FNDC3A: variants seen among roughly 807,000 people sequenced by gnomAD.
FNDC3A encodes the protein fibronectin type-III domain-containing protein 3A.
Under a neutral mutation model 148.9 loss-of-function variants are expected in FNDC3A, and 32 were observed. The observed-to-expected ratio is 0.21, with a 90% CI of 0.16 to 0.29. The LOEUF is 0.29. Among genes scored for constraint, FNDC3A ranks in the 10% least tolerant of loss-of-function variants. FNDC3A has a pLI of 1.00. For synonymous variants in FNDC3A, 472 were observed against 473.6 expected, an observed-to-expected ratio of 1.00 and a Z score of 0.04; for missense variants, 1,191 against 1,452.8, an observed-to-expected ratio of 0.82 and a Z score of 2.93.
intron 2 of FNDC3A, among the ~76,000 whole-genome samples, chr13:49,031,413 A>G (rs1011000332): frequency 2.6e-5 from 4 of 152,134 alleles, no homozygotes; most frequent in Non-Finnish European, 5.9e-5. Context: ...CTGCAAAGCT[A>G]CAGTAATAAG....
chr13:49,143,750 C>A (rs1301295308), intron 7 of FNDC3A, among the ~76,000 whole-genome samples: 1 of 152,162 alleles, frequency 6.6e-6, no homozygotes, highest in East Asian at 1.9e-4. Context: ...GGTGAGACTT[C>A]AGTATCACCA....
At chr13:49,074,125 G>A (rs144925151) in intron 2 of FNDC3A, among the ~76,000 whole-genome samples, 41 of 152,140 alleles carry the variant, frequency 2.7e-4, no homozygotes, top group African/African-American at 9.4e-4. Context: ...AACAGGTGGT[G>A]TTTGGTTACA....
At chr13:49,070,355 T>G (rs1213614340) in intron 2 of FNDC3A, among the ~76,000 whole-genome samples, 2 of 152,144 alleles carry the variant, frequency 1.3e-5, no homozygotes, top group East Asian at 3.9e-4. Flanking sequence ...CAGGAAAAAT[T>G]AATTATAACA....
intron 3 of FNDC3A, among the ~76,000 whole-genome samples, chr13:49,108,911 G>A (rs1880373416): frequency 6.6e-6 from 1 of 152,132 alleles, no homozygotes; most frequent in South Asian, 2.1e-4. Context: ...ATCTCCTCTG[G>A]GGTGTCTTAC....
At chr13:49,195,890 A>G (rs898826856) in intron 19 of FNDC3A, among the ~76,000 whole-genome samples, 3 of 151,994 alleles carry the variant, frequency 2.0e-5, no homozygotes, top group Admixed American at 6.6e-5. Context: ...CCTGGGCAAC[A>G]TGGTGAAACC....
At chr13:49,066,197 C>T (rs1053815850) in intron 2 of FNDC3A, among the ~76,000 whole-genome samples, 11 of 151,996 alleles carry the variant, frequency 7.2e-5, no homozygotes, top group Admixed American at 2.6e-4. Flanking sequence ...TTCCTGTATT[C>T]GTTTTGGTTA....
intron 3 of FNDC3A, among the ~76,000 whole-genome samples, chr13:49,083,514 A>G (rs937355455): frequency 4.0e-5 from 6 of 151,786 alleles, no homozygotes; most frequent in South Asian, 2.1e-4. Context: ...TAAAAGAAGT[A>G]TTGACAAACT....
chr13:48,979,355 GTGA>G (rs1252821129), intron 1 of FNDC3A, among the ~76,000 whole-genome samples: 5 of 152,202 alleles, frequency 3.3e-5, no homozygotes, highest in Non-Finnish European at 5.9e-5. Flanking sequence ...TTAAAGGGAA[GTGA>G]AGCCAGTGAG....
chr13:48,998,683 CA>C (rs1228044978), intron 1 of FNDC3A, among the ~76,000 whole-genome samples: 39 of 151,978 alleles, frequency 2.6e-4, no homozygotes, highest in African/African-American at 8.9e-4. Context: ...TGAATTGAAG[CA>C]AAAAGGCACC....
chr13:49,165,350 A>G (rs1218513724), intron 8 of FNDC3A, among the ~76,000 whole-genome samples: 1 of 152,192 alleles, frequency 6.6e-6, no homozygotes, highest in East Asian at 1.9e-4. Context: ...CTGAAGATGC[A>G]TCTATTGTGT....
intron 2 of FNDC3A, among the ~76,000 whole-genome samples, chr13:49,056,549 T>A (rs1277281018): frequency 6.6e-6 from 1 of 152,208 alleles, no homozygotes; most frequent in Non-Finnish European, 1.5e-5. Flanking sequence ...CTTTCTTCAT[T>A]CTCTGTTCTT....
chr13:49,016,428 T>C (rs955822356), intron 2 of FNDC3A, among the ~76,000 whole-genome samples: 1 of 152,216 alleles, frequency 6.6e-6, no homozygotes. Context: ...TAGTTTGTAT[T>C]TCTGTGGGAT....
chr13:48,992,559 CAA>C (rs2137569666), intron 1 of FNDC3A, among the ~76,000 whole-genome samples: 1 of 152,208 alleles, frequency 6.6e-6, no homozygotes, highest in South Asian at 2.1e-4. Flanking sequence ...CATGGAAATG[CAA>C]AGTCTCCAGT....
intron 2 of FNDC3A, among the ~76,000 whole-genome samples, chr13:49,024,399 G>A (rs1241948377): frequency 1.3e-5 from 2 of 151,654 alleles, no homozygotes; most frequent in Non-Finnish European, 3.0e-5. Flanking sequence ...CCCTGATACC[G>A]AAACTGTACA....
At chr13:49,179,004 G>A (rs892719086) in intron 14 of FNDC3A, among the ~76,000 whole-genome samples, 5 of 152,180 alleles carry the variant, frequency 3.3e-5, no homozygotes, top group African/African-American at 1.2e-4. Context: ...TGGGATTACA[G>A]ACACAAGCCA....
At chr13:49,134,572 T>C (rs1202878606) in intron 5 of FNDC3A, among the ~76,000 whole-genome samples, 1 of 152,082 alleles carries the variant, frequency 6.6e-6, no homozygotes, top group East Asian at 1.9e-4. Context: ...TGCTGGGTCA[T>C]ATGTTAATTC....
At chr13:49,071,530 C>T (rs184228979) in intron 2 of FNDC3A, among the ~76,000 whole-genome samples, 4 of 152,210 alleles carry the variant, frequency 2.6e-5, no homozygotes, top group Admixed American at 1.3e-4. Flanking sequence ...TGCATCCTCC[C>T]CACATCTGTT....
At chr13:49,097,315 T>TA (rs750545896) in intron 3 of FNDC3A, among the ~76,000 whole-genome samples, 731 of 140,768 alleles carry the variant, frequency 5.2e-3, no homozygotes, top group Middle Eastern at 0.011. Context: ...GATTAGCAGT[T>TA]AAAAAAAAAA....
At chr13:49,160,808 T>C (rs1321705912) in intron 8 of FNDC3A, among the ~76,000 whole-genome samples, 1 of 151,776 alleles carries the variant, frequency 6.6e-6, no homozygotes, top group African/African-American at 2.4e-5. Flanking sequence ...CCAGAGAATC[T>C]GGTATGTTGT....
Sources: allele counts gnomAD v4.1 joint callset (sites outside exome capture counted in the v4.1 genomes callset), GRCh38; gene constraint gnomAD v4.1.1; transcripts MANE v1.5; gene names NCBI Gene and HGNC (gene_info 2026-07-23, HGNC 2026-07-21).